Variants in TLN2 observed in about 807,000 individuals in gnomAD.
TLN2 encodes the protein talin-2.
In TLN2, 118 loss-of-function variants were observed where a neutral mutation model predicts 294.7. The observed-to-expected ratio is 0.40, with a 90% CI of 0.34 to 0.47. The LOEUF (loss-of-function observed/expected upper bound fraction) is 0.47, where lower values mean the gene tolerates loss of function less well. TLN2 is among the 20% of genes least tolerant of loss of function. TLN2 has a pLI of 0.84. For synonymous variants in TLN2, 1,431 were observed against 1,304.5 expected (o/e 1.10, Z -2.09); for missense variants, 3,083 against 3,282.2 (o/e 0.94, Z 1.48).
chr15:62,792,827 G>A (rs574227435), intron 46 of TLN2, 40 bp downstream of exon 46: 13 of 1,609,440 alleles, frequency 8.1e-6, no homozygotes, highest in East Asian at 6.7e-5. Context: ...AAGAACCTGC[G>A]CTGGCTCTCA....
At position 62,654,648 on chromosome 15, in the gene TLN2, G is replaced by A. The variant is rs377441935; in HGVS notation, c.518-1296G>A. On this transcript the variant is annotated intron_variant, in intron 7 of 58. Transcript: ENST00000636159. ...CGCATGCCTGTAATCCCAACTATGC[G>A]GGAGACTGAGGCAGGAGAATCGCTT... Among the ~76,000 whole-genome samples the A allele has an allele frequency of 6.6e-5, 10 of 151,134 alleles. No homozygotes were observed. The East Asian group carries it at 1.2e-3, about 18-fold the overall frequency.
chr15:62,557,206 G>T (rs1047647418), intron 1 of TLN2, among the ~76,000 whole-genome samples: 2 of 152,184 alleles, frequency 1.3e-5, no homozygotes, highest in Non-Finnish European at 2.9e-5. Context: ...AGTGACCCAG[G>T]CTGGGGTGGA....
At chr15:62,498,183 AG>A (rs1247927594) in intron 1 of TLN2, among the ~76,000 whole-genome samples, 26 of 151,238 alleles carry the variant, frequency 1.7e-4, no homozygotes, top group African/African-American at 6.3e-4. Flanking sequence ...AAGAAAAAAA[AG>A]TCTGGAATTT....
In TLN2 at chr15:62,842,238, G is replaced by A. The variant is rs1010325864; in HGVS notation, c.*1628G>A. Reference sequence around the variant, plus strand: ...TTCAGACCAGTAAAGTTAGAGAAAAGACGCTGTAAAGGAAAAGCAAGTGAG... The same window carrying A: ...TTCAGACCAGTAAAGTTAGAGAAAAAACGCTGTAAAGGAAAAGCAAGTGAG... On this transcript the variant is annotated 3_prime_UTR_variant, in exon 59 of 59. Coordinates refer to ENST00000636159, the MANE Select transcript of TLN2 (RefSeq NM_015059.3). 4 of 152,004 alleles carry A rather than the reference G, an allele frequency of 2.6e-5. No individual in the cohort carries two copies. The highest frequency in any genetic ancestry group is 5.9e-5 in the Non-Finnish European group (4 of 68,038). The allele number at this position is 152,004 out of a possible 1,614,324, so 9.4% of individuals were successfully genotyped here.
chr15:62,785,226 A>C (rs375188463), intron 45 of TLN2, among the ~76,000 whole-genome samples: 62 of 152,276 alleles, frequency 4.1e-4, no homozygotes, highest in East Asian at 1.9e-3. Context: ...GATTCTTTAC[A>C]CAGGCCTATC....
chr15:62,596,122 G>C (rs560742674), intron 2 of TLN2, among the ~76,000 whole-genome samples: 1 of 151,908 alleles, frequency 6.6e-6, no homozygotes, highest in African/African-American at 2.4e-5. Context: ...AAAATTAGCC[G>C]GGCGCAGTGG....
rs944736869 is a variant in TLN2, at chr15:62,646,266, G to T, written c.-36-1009G>T. Among the ~76,000 whole-genome samples the T allele has an allele frequency of 2.0e-5, 3 of 151,846 alleles. No individual in the cohort carries two copies. The South Asian group carries it at 6.3e-4, about 32-fold the overall frequency. On this transcript the variant is annotated intron_variant, in intron 3 of 58. Coordinates refer to ENST00000636159, the MANE Select transcript of TLN2 (RefSeq NM_015059.3). ...CAACCTCTGTCTCCCGGGTTCAAGC[G>T]ATTCTCCTGTCTCAGCCTCCCGAGT...
intron 3 of TLN2, among the ~76,000 whole-genome samples, chr15:62,623,209 G>A (rs2048985357): frequency 6.6e-6 from 1 of 152,164 alleles, no homozygotes; most frequent in Admixed American, 6.5e-5. Context: ...AAGCTCTTTG[G>A]GACTGCACAT....
Position 62,809,966 on chromosome 15 carries a change from C to G in TLN2, c.6705C>G (p.Thr2235=). Residue 2235 remains threonine, a synonymous_variant, in exon 52 of 59, where the codon ACC becomes ACG. Coordinates refer to ENST00000636159, the MANE Select transcript of TLN2 (RefSeq NM_015059.3). ...FHPDVSDEVR[T]RALRFGTECT... ...CCGATGTCAGTGACGAGGTGAGAAC[C>G]AGAGCCTTGCGTTTCGGGACGGAGT... 1 of 1,614,126 alleles carries G rather than the reference C, an allele frequency of 6.2e-7. No individual in the cohort carries two copies. Among genetic ancestry groups the G allele is most frequent in the South Asian group, 1.1e-5 (1 of 91,060 alleles).
chr15:62,527,191 G>A (rs780677548), intron 1 of TLN2, among the ~76,000 whole-genome samples: 2 of 152,118 alleles, frequency 1.3e-5, no homozygotes, highest in Non-Finnish European at 2.9e-5. Context: ...TCGGGTGTTT[G>A]GTGTCAAAAT....
chr15:62,493,467 A>G (rs2038854831), intron 1 of TLN2, among the ~76,000 whole-genome samples: 1 of 151,968 alleles, frequency 6.6e-6, no homozygotes, highest in Admixed American at 6.6e-5. Flanking sequence ...CTGTTGTATC[A>G]TTACAATTGA....
intron 58 of TLN2, 107 bp downstream of exon 58, chr15:62,839,088 G>T: frequency 7.0e-7 from 1 of 1,423,802 alleles, no homozygotes; most frequent in East Asian, 2.3e-5. Context: ...TCTTCCTCGT[G>T]TACCAGAGAT....
chr15:62,415,632 G>A (rs1425859715), intron 1 of TLN2, among the ~76,000 whole-genome samples: 1 of 152,234 alleles, frequency 6.6e-6, no homozygotes, highest in East Asian at 1.9e-4. Context: ...CAGGAGTCCC[G>A]CTCTGCTGGG....
At chr15:62,723,347 C>G (rs894098566) in intron 26 of TLN2, among the ~76,000 whole-genome samples, 1 of 152,116 alleles carries the variant, frequency 6.6e-6, no homozygotes, top group Non-Finnish European at 1.5e-5. Context: ...AATGCACATC[C>G]CTGGGCCTTG....
At chr15:62,826,724 A>AG (rs1179752734) in intron 54 of TLN2, among the ~76,000 whole-genome samples, 1 of 152,204 alleles carries the variant, frequency 6.6e-6, no homozygotes, top group East Asian at 1.9e-4. Flanking sequence ...AACAAAAAAA[A>AG]AAGAGAAATG....
intron 53 of TLN2, 71 bp downstream of exon 53, chr15:62,819,692 AG>A: frequency 7.1e-7 from 1 of 1,399,814 alleles, no homozygotes; most frequent in African/African-American, 1.4e-5. Flanking sequence ...GACTGAGCAG[AG>A]GAAAAGCACA....
chr15:62,391,139 A>T (rs1210165647), intron 1 of TLN2, among the ~76,000 whole-genome samples: 2 of 152,214 alleles, frequency 1.3e-5, no homozygotes, highest in Non-Finnish European at 2.9e-5. Flanking sequence ...TTGGCGCTGG[A>T]GGAGCAGCTT....
chr15:62,630,330 A>C (rs890044915), intron 3 of TLN2, among the ~76,000 whole-genome samples: 2 of 151,674 alleles, frequency 1.3e-5, no homozygotes, highest in Non-Finnish European at 2.9e-5. Context: ...TCTAGGCTAA[A>C]ACCCGGTGAG....
At chr15:62,519,091 A>G (rs981195255) in intron 1 of TLN2, among the ~76,000 whole-genome samples, 1 of 152,224 alleles carries the variant, frequency 6.6e-6, no homozygotes, top group African/African-American at 2.4e-5. Flanking sequence ...TGGTTAAGCA[A>G]CTTGCCCAGG....
Sources: allele counts gnomAD v4.1 joint callset (sites outside exome capture counted in the v4.1 genomes callset), GRCh38; gene constraint gnomAD v4.1.1; transcripts MANE v1.5; gene names NCBI Gene and HGNC (gene_info 2026-07-23, HGNC 2026-07-21).